The following PLA2G2C variants were observed in gnomAD, a reference collection of about 807,000 sequenced individuals.
PLA2G2C encodes putative inactive group IIC secretory phospholipase A2.
PLA2G2C carries 15 observed loss-of-function variants against 14.3 expected under a neutral mutation model. The ratio of observed to expected loss-of-function variants is 1.05; its 90% CI spans 0.70 to 1.62. The LOEUF (loss-of-function observed/expected upper bound fraction) is 1.62. PLA2G2C is among the 40% of genes most tolerant of loss of function. The pLI, the probability that PLA2G2C is intolerant of heterozygous loss-of-function variation, is 0.00. For synonymous variants in PLA2G2C, 79 were observed against 67.7 expected (o/e 1.17, Z -0.82); for missense variants, 162 against 173.2 (o/e 0.94, Z 0.36).
At chr1:20,179,212 C>CTGTG (rs35377696) in intron 1 of PLA2G2C, among the ~76,000 whole-genome samples, 6,682 of 149,792 alleles carry the variant, frequency 0.045, 420 homozygotes, top group African/African-American at 0.14. Flanking sequence ...GTCAGTTTCT[C>CTGTG]TGTGTGTGTG....
rs1278255610 is a variant in PLA2G2C, at chr1:20,173,038, G to A, written c.180-141C>T. The stretch of plus-strand genomic sequence containing the variant: ...TAATATTAAACATAGGCCAGGTGTG[G>A]TGGCTCATGCCTGCAATCCCAGCAC... On this transcript the variant is annotated intron_variant, in intron 3 of 4. Transcript: ENST00000679259. The A allele has an allele frequency of 2.3e-5, 14 of 612,930 alleles. No homozygotes were observed. The East Asian group carries it at 3.9e-4, about 17-fold the overall frequency. The allele number at this position is 612,930 out of a possible 1,614,324, so 38.0% of individuals were successfully genotyped here. A position where few individuals can be genotyped will look rare whatever the true frequency, so the allele number is the denominator to read the frequency against.
chr1:20,164,298 G>GCACA, intron 4 of PLA2G2C, 141 bp from the exon 5 acceptor site: 3 of 763,234 alleles, frequency 3.9e-6, no homozygotes, highest in Non-Finnish European at 6.2e-6. Flanking sequence ...ATACGTGTAT[G>GCACA]CATATGTGTG....
rs76248153 is a variant in PLA2G2C, at chr1:20,164,615, C to T, written c.284-458G>A. ...CAGGCCAGGGTGATGGGAGCATTTTCCCAGAGCTCATCTCCTATTTCCAGC... is the reference window on the plus strand; with the variant it reads ...CAGGCCAGGGTGATGGGAGCATTTTTCCAGAGCTCATCTCCTATTTCCAGC... On this transcript the variant is annotated intron_variant, in intron 4 of 4. Transcript: ENST00000679259. 4.6e-3 allele frequency among the ~76,000 whole-genome samples: 704 copies of T among 152,314 alleles called. 1 individual carries two copies. The highest frequency in any genetic ancestry group is 6.4e-3 in the Non-Finnish European group (432 of 68,028).
In PLA2G2C at chr1:20,177,373, G is replaced by C. The variant is rs2018205274; in HGVS notation, c.-10C>G. On this transcript the variant is annotated 5_prime_UTR_variant, in exon 2 of 5. Transcript: ENST00000679259. ...TGGCAATGACCTTCATTCCTGAGGA[G>C]ACCAGGGGGTCTGAGGTTCTACAGC... 1.4e-6 allele frequency: 1 copy of C among 694,784 alleles called. No individual in the cohort carries two copies. Among genetic ancestry groups the C allele is most frequent in the African/African-American group, 1.8e-5 (1 of 56,786 alleles). The allele number at this position is 694,784 out of a possible 1,614,324, so 43.0% of individuals were successfully genotyped here. A position where few individuals can be genotyped will look rare whatever the true frequency, so the allele number is the denominator to read the frequency against.
At chr1:20,176,389 A>G (rs536079288) in intron 2 of PLA2G2C, among the ~76,000 whole-genome samples, 4 of 152,316 alleles carry the variant, frequency 2.6e-5, no homozygotes, top group African/African-American at 9.6e-5. Context: ...CATTTATTTT[A>G]CTTTTTAACT....
rs1199477166 is a variant in PLA2G2C, at chr1:20,174,987, C to T, written c.179+20G>A. The T allele has an allele frequency of 6.2e-7, 1 of 1,602,266 alleles. No individual in the cohort carries two copies. The highest frequency in any genetic ancestry group is 1.7e-5 in the Admixed American group (1 of 58,430). On this transcript the variant is annotated intron_variant, in intron 3 of 4. Coordinates refer to ENST00000679259, the MANE Select transcript of PLA2G2C (RefSeq NM_001367969.2). Reference sequence around the variant, plus strand: ...TAATGCAAAACAAATGATAAGTGGCCTTAGAGCCTCTGCACCCACCTGTCA... The same window carrying T: ...TAATGCAAAACAAATGATAAGTGGCTTTAGAGCCTCTGCACCCACCTGTCA...
chr1:20,180,959 C>A (rs1277680703), intron 1 of PLA2G2C, among the ~76,000 whole-genome samples: 3 of 152,186 alleles, frequency 2.0e-5, no homozygotes, highest in Non-Finnish European at 4.4e-5. Flanking sequence ...ATGGATGGAG[C>A]CTGCAAGCTC....
intron 3 of PLA2G2C, among the ~76,000 whole-genome samples, chr1:20,173,886 A>T (rs1330400320): frequency 6.6e-6 from 1 of 152,236 alleles, no homozygotes; most frequent in East Asian, 1.9e-4. Context: ...CAGCCTTTGG[A>T]CTTTGACAGG....
chr1:20,164,781 G>A (rs996227123), intron 4 of PLA2G2C, among the ~76,000 whole-genome samples: 23 of 152,344 alleles, frequency 1.5e-4, no homozygotes, highest in Admixed American at 3.9e-4. Context: ...AGCCGACCTC[G>A]CTGCCCCCGC....
chr1:20,174,711 GC>G (rs1175850218), intron 3 of PLA2G2C, among the ~76,000 whole-genome samples: 5 of 152,118 alleles, frequency 3.3e-5, no homozygotes, highest in African/African-American at 9.7e-5. Flanking sequence ...CCATGTTTAG[GC>G]CCTTATGAGT....
At chr1:20,177,480 T>C (rs1557788865) in intron 1 of PLA2G2C, 41 bp from the exon 2 acceptor site, 1 of 583,264 alleles carries the variant, frequency 1.7e-6, no homozygotes, top group Non-Finnish European at 3.0e-6. Flanking sequence ...CAAGGGTATT[T>C]GGGTGCAAAG....
At chr1:20,171,314 A>T (rs2018069070) in intron 4 of PLA2G2C, among the ~76,000 whole-genome samples, 1 of 152,188 alleles carries the variant, frequency 6.6e-6, no homozygotes, top group African/African-American at 2.4e-5. Context: ...CCAACTCAGG[A>T]AGTCTCCTTG....
At chr1:20,171,518 T>C (rs967711115) in intron 4 of PLA2G2C, among the ~76,000 whole-genome samples, 1 of 151,976 alleles carries the variant, frequency 6.6e-6, no homozygotes, top group African/African-American at 2.4e-5. Flanking sequence ...AGTGGTGGGT[T>C]GGGGGAGCTC....
Position 20,183,023 on chromosome 1 carries a change from T to C in PLA2G2C, c.-77+3337A>G, listed in dbSNP as rs916397. Among the ~76,000 whole-genome samples, 77 of 152,316 alleles carry C rather than the reference T, an allele frequency of 5.1e-4. 2 individuals carry two copies. Among genetic ancestry groups the C allele is most frequent in the Admixed American group, 4.3e-3 (66 of 15,308 alleles). On this transcript the variant is annotated intron_variant, in intron 1 of 4. Coordinates refer to ENST00000679259, the MANE Select transcript of PLA2G2C (RefSeq NM_001367969.2). ...TCATTGCCGAGCACGTATCACAAAG[T>C]AAGCATTGTGTGGACAAGGCAGGGG...
chr1:20,177,819 G>A (rs561359805), intron 1 of PLA2G2C, among the ~76,000 whole-genome samples: 19 of 152,266 alleles, frequency 1.2e-4, no homozygotes, highest in African/African-American at 4.3e-4. Context: ...TAGTCCCACA[G>A]TGCCTTCCTT....
chr1:20,171,785 G>A (rs1369066490), intron 4 of PLA2G2C, among the ~76,000 whole-genome samples: 2 of 134,346 alleles, frequency 1.5e-5, no homozygotes, highest in East Asian at 2.1e-4. Context: ...TTTTTGAGAC[G>A]GAGTCTCGCT....
intron 4 of PLA2G2C, among the ~76,000 whole-genome samples, chr1:20,172,475 CAT>C (rs1330225185): frequency 1.3e-5 from 2 of 152,194 alleles, no homozygotes; most frequent in South Asian, 2.1e-4. Flanking sequence ...AACAAGGAAA[CAT>C]GTTCTCAACA....
chr1:20,180,270 T>C (rs530032093), intron 1 of PLA2G2C, among the ~76,000 whole-genome samples: 1 of 152,294 alleles, frequency 6.6e-6, no homozygotes, highest in East Asian at 1.9e-4. Flanking sequence ...TGTGGAATGA[T>C]AAGCACTGCT....
intron 4 of PLA2G2C, among the ~76,000 whole-genome samples, chr1:20,166,292 C>T (rs1426886507): frequency 6.6e-6 from 1 of 152,226 alleles, no homozygotes; most frequent in Non-Finnish European, 1.5e-5. Flanking sequence ...GCCAACACCA[C>T]TGAGCTTCCT....
Sources: allele counts gnomAD v4.1 joint callset (sites outside exome capture counted in the v4.1 genomes callset), GRCh38; gene constraint gnomAD v4.1.1; transcripts MANE v1.5; gene names NCBI Gene and HGNC (gene_info 2026-07-23, HGNC 2026-07-21).